The following TFAP2B variants were observed in gnomAD, a reference collection of about 807,000 sequenced individuals.
The protein encoded by TFAP2B is transcription factor AP-2-beta.
In TFAP2B, 9 loss-of-function variants were observed where a neutral mutation model predicts 44.3. The ratio of observed to expected loss-of-function variants is 0.20; its 90% CI spans 0.12 to 0.35. TFAP2B has a LOEUF of 0.35. Ranked by LOEUF, TFAP2B falls within the 10% of genes least tolerant of loss-of-function variation. The pLI, the probability that TFAP2B is intolerant of heterozygous loss-of-function variation, is 1.00. For synonymous variants in TFAP2B, 270 were observed against 263.8 expected (o/e 1.02, Z -0.23); for missense variants, 509 against 600.0 (o/e 0.85, Z 1.59).
chr6:50,819,061 T>C (rs1368480028), intron 1 of TFAP2B, 89 bp downstream of exon 1: 2 of 1,284,216 alleles, frequency 1.6e-6, no homozygotes, highest in Non-Finnish European at 2.2e-6. Flanking sequence ...ATTTTTAAGC[T>C]ATTTACTCGT....
At chr6:50,835,923 C>A in intron 3 of TFAP2B, 138 bp from the exon 4 acceptor site, 1 of 788,856 alleles carries the variant, frequency 1.3e-6, no homozygotes. Flanking sequence ...GCACTGCAGC[C>A]CCACTGGAAT....
chr6:50,835,972 C>T, intron 3 of TFAP2B, 89 bp from the exon 4 acceptor site: 2 of 1,054,042 alleles, frequency 1.9e-6, no homozygotes, highest in Non-Finnish European at 1.5e-6. Flanking sequence ...GGTGTCTGTC[C>T]TGTGGCCTCA....
intron 2 of TFAP2B, among the ~76,000 whole-genome samples, 195 bp from the exon 3 acceptor site, chr6:50,828,424 C>A (rs1351016152): frequency 1.3e-5 from 2 of 152,200 alleles, no homozygotes; most frequent in Non-Finnish European, 2.9e-5. Flanking sequence ...TTCTCCACTT[C>A]TTCCATTGGA....
chr6:50,842,519 C>T lies in TFAP2B; in HGVS notation c.1083-573C>T, dbSNP rs2301300. On this transcript the variant is annotated intron_variant, in intron 6 of 6. Coordinates refer to ENST00000393655, the MANE Select transcript of TFAP2B (RefSeq NM_003221.4). ...AGGAGGGAAAGGCAGAAACTAGCTC[C>T]CTCCCCCAATACTGCAGGTAAACAG... Among the ~76,000 whole-genome samples the T allele has an allele frequency of 2.4e-4, 36 of 152,272 alleles. No individual in the cohort carries two copies. The East Asian group carries it at 6.8e-3, about 29-fold the overall frequency.
Position 50,843,172 on chromosome 6 carries a change from A to C in TFAP2B, c.1163A>C (p.Glu388Ala). The change falls in exon 7 of 7, where the codon GAG becomes GCG. Residue 388 changes from glutamate to alanine, a missense_variant. Around this residue, in one of 3 missense-constraint regions of TFAP2B, gnomAD observed 168 missense variants for 183.2 expected, o/e 0.92. Transcript: ENST00000393655. ...IGNSRPSPIL[E>A]PGIQSCLTHF... ...AACAGCCGACCCAGCCCCATCCTGG[A>C]GCCGGGGATCCAGAGCTGCCTCACG... 6.2e-7 allele frequency: 1 copy of C among 1,614,250 alleles called. No homozygotes were observed. Among genetic ancestry groups the C allele is most frequent in the Non-Finnish European group, 8.5e-7 (1 of 1,180,044 alleles).
intron 1 of TFAP2B, among the ~76,000 whole-genome samples, chr6:50,822,796 G>A (rs1770389688): frequency 6.6e-6 from 1 of 152,154 alleles, no homozygotes; most frequent in Non-Finnish European, 1.5e-5. Flanking sequence ...GGAGAGGGAG[G>A]AGTGACTGGG....
chr6:50,826,130 A>C (rs1770497597), intron 2 of TFAP2B, among the ~76,000 whole-genome samples: 1 of 152,108 alleles, frequency 6.6e-6, no homozygotes, highest in Non-Finnish European at 1.5e-5. Context: ...GCAGGTTGGG[A>C]TTTCAACGCT....
At chr6:50,821,942 CTG>C (rs1305094434) in intron 1 of TFAP2B, 2 of 318,148 alleles carry the variant, frequency 6.3e-6, no homozygotes, top group African/African-American at 5.9e-5. Flanking sequence ...ATAGTTCTGT[CTG>C]TGTGTGACAG....
chr6:50,820,938 GGAGA>G (rs1382526962), intron 1 of TFAP2B, among the ~76,000 whole-genome samples: 2 of 151,246 alleles, frequency 1.3e-5, no homozygotes, highest in Non-Finnish European at 2.9e-5. Context: ...AAGAGGGGAG[GGAGA>G]GAGAGAAAGA....
At chr6:50,830,511 C>T (rs2113941017) in intron 3 of TFAP2B, among the ~76,000 whole-genome samples, 1 of 152,092 alleles carries the variant, frequency 6.6e-6, no homozygotes, top group African/African-American at 2.4e-5. Context: ...ATTTTATGTC[C>T]CCCCAAATGT....
intron 3 of TFAP2B, among the ~76,000 whole-genome samples, chr6:50,829,827 A>G (rs1770626016): frequency 1.3e-5 from 2 of 152,252 alleles, no homozygotes; most frequent in African/African-American, 4.8e-5. Flanking sequence ...CAGGAAGAGT[A>G]GCTTTGAAAG....
In TFAP2B at chr6:50,843,285, A is replaced by G; in HGVS notation, c.1276A>G (p.Lys426Glu). The change falls in exon 7 of 7, where the codon AAA becomes GAA. Residue 426 changes from lysine (K) to glutamate (E), a missense_variant. By Grantham distance (56) the Lys-to-Glu change is moderately conservative (BLOSUM62 1). Coordinates refer to ENST00000393655, the MANE Select transcript of TFAP2B (RefSeq NM_003221.4). ...GCAGAACTATCTCACCGAGGCGCTCAAAGGCATGGACAAGATGTTCTTGAA... is the reference window on the plus strand; with the variant it reads ...GCAGAACTATCTCACCGAGGCGCTCGAAGGCATGGACAAGATGTTCTTGAA... The part of the protein sequence containing the change: ...ALQNYLTEAL[K>E]GMDKMFLNNT... 2 of 1,614,192 alleles carry G rather than the reference A, an allele frequency of 1.2e-6. No homozygotes were observed. The highest frequency in any genetic ancestry group is 1.7e-6 in the Non-Finnish European group (2 of 1,180,036).
intron 2 of TFAP2B, among the ~76,000 whole-genome samples, chr6:50,824,461 T>A (rs778075634): frequency 3.3e-5 from 5 of 152,216 alleles, no homozygotes; most frequent in African/African-American, 1.2e-4. Context: ...TTCCAAGAGA[T>A]AGTTGCAGTC....
Position 50,843,398 on chromosome 6 carries a change from T to G in TFAP2B, c.*6T>G, listed in dbSNP as rs1414181291. 6.2e-7 allele frequency: 1 copy of G among 1,610,868 alleles called. No individual in the cohort carries two copies. Among genetic ancestry groups the G allele is most frequent in the South Asian group, 1.1e-5 (1 of 89,906 alleles). On this transcript the variant is annotated 3_prime_UTR_variant, in exon 7 of 7. Transcript: ENST00000393655. ...AGGAGAAACACAGGAAATGAAAAATTTTTAAAAAAAGAAGGAAAAATGTTT... is the reference window on the plus strand; with the variant it reads ...AGGAGAAACACAGGAAATGAAAAATGTTTAAAAAAAGAAGGAAAAATGTTT...
chr6:50,833,069 C>T (rs1406069662), intron 3 of TFAP2B, among the ~76,000 whole-genome samples: 1 of 152,156 alleles, frequency 6.6e-6, no homozygotes, highest in Non-Finnish European at 1.5e-5. Flanking sequence ...ATGTAAAGAA[C>T]TGAAAGCTTC....
intron 2 of TFAP2B, among the ~76,000 whole-genome samples, chr6:50,824,326 C>T (rs1770444832): frequency 6.6e-6 from 1 of 152,156 alleles, no homozygotes; most frequent in African/African-American, 2.4e-5. Flanking sequence ...GAATGAAGTT[C>T]CAGGGGCCTC....
rs970698671 is a variant in TFAP2B, at chr6:50,843,554, A to G, written c.*162A>G. 10 of 812,534 alleles carry G rather than the reference A, an allele frequency of 1.2e-5. No individual in the cohort carries two copies. Among genetic ancestry groups the G allele is most frequent in the Admixed American group, 3.1e-5 (1 of 31,936 alleles). The allele number at this position is 812,534 out of a possible 1,614,324, so 50.3% of individuals were successfully genotyped here. On this transcript the variant is annotated 3_prime_UTR_variant, in exon 7 of 7. Coordinates refer to ENST00000393655, the MANE Select transcript of TFAP2B (RefSeq NM_003221.4). ...AAAAAAAAAAGCTAAATAACTTAAA[A>G]AAAAACTGAGGCGTACAACGGAGCA...
chr6:50,822,048 T>A (rs1770366055), intron 1 of TFAP2B: 1 of 955,050 alleles, frequency 1.0e-6, no homozygotes, highest in African/African-American at 1.7e-5. Context: ...TCAGCTCCTG[T>A]GTCCAGCTCG....
intron 1 of TFAP2B, among the ~76,000 whole-genome samples, chr6:50,821,593 C>T (rs536982384): frequency 6.6e-6 from 1 of 152,236 alleles, no homozygotes; most frequent in South Asian, 2.1e-4. Context: ...TGAAGTTCTG[C>T]CTCTTTCCTG....
Sources: allele counts gnomAD v4.1 joint callset (sites outside exome capture counted in the v4.1 genomes callset), GRCh38; gene constraint gnomAD v4.1.1; regional missense constraint gnomAD v4.1.1; transcripts MANE v1.5; gene names NCBI Gene and HGNC (gene_info 2026-07-23, HGNC 2026-07-21).